The following M1AP variants were observed in gnomAD, a reference collection of about 807,000 sequenced individuals.
M1AP encodes meiosis 1 arrest protein.
M1AP carries 39 observed loss-of-function variants against 51.2 expected under a neutral mutation model. The ratio of observed to expected loss-of-function variants is 0.76; its 90% confidence interval spans 0.59 to 1.00. The LOEUF is 1.00. M1AP is among the 50% of genes least tolerant of loss of function. The pLI, the probability that M1AP is intolerant of heterozygous loss-of-function variation, is 0.00. For missense variants in M1AP, 545 were observed against 641.2 expected (o/e 0.85, Z 1.62); for synonymous variants, 251 against 249.2 (o/e 1.01, Z -0.07).
intron 2 of M1AP, among the ~76,000 whole-genome samples, chr2:74,625,265 G>T (rs187236747): frequency 1.3e-5 from 2 of 152,126 alleles, no homozygotes; most frequent in African/African-American, 4.8e-5. Context: ...CTGAGTTATT[G>T]AATGTTTTTT....
chr2:74,643,383 T>C (rs954435864), intron 1 of M1AP, among the ~76,000 whole-genome samples: 1 of 151,626 alleles, frequency 6.6e-6, no homozygotes, highest in Non-Finnish European at 1.5e-5. Flanking sequence ...AAAGAATACA[T>C]ACACATGTAG....
intron 1 of M1AP, chr2:74,647,316 G>GC: frequency 1.0e-6 from 1 of 985,322 alleles, no homozygotes; most frequent in Non-Finnish European, 1.2e-6. Context: ...CTCTGCGGAT[G>GC]TTCTGTTCCG....
chr2:74,576,752 T>C, intron 5 of M1AP, 134 bp from the exon 6 acceptor site: 1 of 1,244,576 alleles, frequency 8.0e-7, no homozygotes, highest in Non-Finnish European at 1.1e-6. Flanking sequence ...AAGCAAGGGA[T>C]AGGAGGAGGC....
Position 74,640,116 on chromosome 2 carries a change from T to G in M1AP, c.160A>C (p.Ser54Arg), listed in dbSNP as rs773285202. The change falls in exon 2 of 11, where the codon AGC becomes CGC. Residue 54 changes from serine to arginine, a missense_variant. Physicochemically the swap from Ser to Arg is moderately radical, Grantham distance 110. Transcript: ENST00000421985. ...GACATGCGGCTGGGGCCCATCAAGC[T>G]GCAGGCTAGAGAGAAGAAGTTCTGC... ...ALQNFFSLAC[S>R]LMGPSRMSLF... 2 of 1,614,084 alleles carry G rather than the reference T, an allele frequency of 1.2e-6. No individual in the cohort carries two copies. The highest frequency in any genetic ancestry group is 2.7e-5 in the African/African-American group (2 of 74,926).
chr2:74,576,592 G>A lies in M1AP; in HGVS notation c.796C>T (p.Arg266Ter), dbSNP rs150497323. The change falls in exon 6 of 11, where the codon CGA becomes TGA. Residue 266 changes from arginine (R) to a stop codon, truncating the protein, a stop_gained. Coordinates refer to ENST00000421985, the MANE Select transcript of M1AP (RefSeq NM_001321739.2). LOFTEE classifies it high-confidence loss of function. ...GCGAGTAGGGATGGGCAGAGCAGTC[G>A]CTCTTGGAGATCACATTTCAGACAC... The part of the protein sequence containing the change: ...PMCLKCDLQE[R>*]LLCPSLLAGT... 46 of 1,614,096 alleles carry A rather than the reference G, an allele frequency of 2.8e-5. No homozygotes were observed. The highest frequency in any genetic ancestry group is 3.6e-5 in the Non-Finnish European group (43 of 1,179,968).
At position 74,575,585 on chromosome 2, in the gene M1AP, A is replaced by G. The variant is rs762842420; in HGVS notation, c.933-6T>C. 3.4e-5 allele frequency: 55 copies of G among 1,611,890 alleles called. No homozygotes were observed. The highest frequency in any genetic ancestry group is 4.2e-5 in the Non-Finnish European group (50 of 1,178,422). On this transcript the variant is annotated splice_region_variant and splice_polypyrimidine_tract_variant and intron_variant, in intron 6 of 10. Transcript: ENST00000421985. ...GCCCGCTAGATTTTAAAGCCCTAGGAAGAGATAATTACAGTCAAAGACTCC... is the reference window on the plus strand; with the variant it reads ...GCCCGCTAGATTTTAAAGCCCTAGGGAGAGATAATTACAGTCAAAGACTCC...
intron 3 of M1AP, among the ~76,000 whole-genome samples, chr2:74,613,430 G>C (rs1681485587): frequency 6.6e-6 from 1 of 152,170 alleles, no homozygotes; most frequent in South Asian, 2.1e-4. Context: ...GTATGATTAG[G>C]TCTCAGTCTT....
rs759181526 is a variant in M1AP at position 74,558,754 on chromosome 2, G to C, written c.1555C>G (p.Leu519Val). 7 of 1,612,884 alleles carry C rather than the reference G, an allele frequency of 4.3e-6. No homozygotes were observed. The highest frequency in any genetic ancestry group is 1.7e-5 in the Admixed American group (1 of 59,740). ...GGATCCTTCTCCCACTCTGAAGGCA[G>C]GAAGAAGGCATCTGAGGAAGATTTG... ...ASKSSSDAFF[L>V]PSEWEKDPSR... The change falls in exon 11 of 11, where the codon CTG becomes GTG. Residue 519 changes from leucine to valine, a missense_variant. Physicochemically the swap from Leu to Val is conservative, Grantham distance 32. Transcript: ENST00000421985.
chr2:74,589,461 CCTTTTTCTTTCT>C (rs1487192131), intron 4 of M1AP, among the ~76,000 whole-genome samples: 1 of 152,158 alleles, frequency 6.6e-6, no homozygotes, highest in African/African-American at 2.4e-5. Flanking sequence ...AAAGCAAGTT[CCTTTTTCTTTCT>C]CTTTTTCTTT....
chr2:74,580,322 TAGGGAAAACAGATA>T lies in M1AP; in HGVS notation c.769+1338_769+1351del, dbSNP rs1162041871. Among the ~76,000 whole-genome samples the T allele has an allele frequency of 3.9e-5, 6 of 152,150 alleles. No individual in the cohort carries two copies. In the East Asian group the frequency reaches 1.2e-3, roughly 29 times the overall value. On this transcript the variant is annotated intron_variant, in intron 5 of 10. Transcript: ENST00000421985. Reference sequence around the variant, plus strand: ...ATATAAAGTTGCTAGCTGCCTTAAGTAGGGAAAACAGATAAGTGAAGTCCAGAGGATAGGACAGG... The same window carrying T: ...ATATAAAGTTGCTAGCTGCCTTAAGTAGTGAAGTCCAGAGGATAGGACAGG...
chr2:74,574,216 T>A (rs1678920426), intron 7 of M1AP, among the ~76,000 whole-genome samples: 1 of 152,250 alleles, frequency 6.6e-6, no homozygotes. Flanking sequence ...CTATTTGCAG[T>A]TGTTTTAATT....
At chr2:74,601,302 A>C (rs772382804) in intron 4 of M1AP, among the ~76,000 whole-genome samples, 1 of 152,142 alleles carries the variant, frequency 6.6e-6, no homozygotes, top group Non-Finnish European at 1.5e-5. Flanking sequence ...CAATACGGAA[A>C]AAATCCTAGA....
Position 74,581,746 on chromosome 2 carries a change from C to G in M1AP, c.697G>C (p.Asp233His), listed in dbSNP as rs1679416484. 2.5e-6 allele frequency: 4 copies of G among 1,614,074 alleles called. No individual in the cohort carries two copies. Among genetic ancestry groups the G allele is most frequent in the Non-Finnish European group, 3.4e-6 (4 of 1,179,948 alleles). ...AGAAGAAGATGGATTTGTTCTTGGT[C>G]TGTTCCACTGTTATGTAGCCAGGCT... ...FKAWLHNSGT[D>H]QEQIHLLLSS... is the part of the protein sequence containing the mutation. Residue 233 changes from aspartate (D) to histidine (H), a missense_variant, in exon 5 of 11, where the codon GAC becomes CAC. Coordinates refer to ENST00000421985, the MANE Select transcript of M1AP (RefSeq NM_001321739.2).
At chr2:74,638,608 C>T (rs1454813026) in intron 2 of M1AP, among the ~76,000 whole-genome samples, 2 of 152,126 alleles carry the variant, frequency 1.3e-5, no homozygotes, top group Non-Finnish European at 2.9e-5. Flanking sequence ...GGGAGAAGCC[C>T]GCTGCCACAA....
At chr2:74,581,020 C>T (rs1230148709) in intron 5 of M1AP, among the ~76,000 whole-genome samples, 1 of 152,128 alleles carries the variant, frequency 6.6e-6, no homozygotes, top group East Asian at 1.9e-4. Context: ...ATGGAAATGG[C>T]CTTATTCCTG....
intron 4 of M1AP, among the ~76,000 whole-genome samples, chr2:74,606,276 G>A (rs987556455): frequency 9.2e-5 from 14 of 152,198 alleles, no homozygotes; most frequent in African/African-American, 3.4e-4. Context: ...TAAATCTCAA[G>A]GATGGGGGCC....
At chr2:74,604,647 G>A (rs2104692635) in intron 4 of M1AP, among the ~76,000 whole-genome samples, 1 of 152,274 alleles carries the variant, frequency 6.6e-6, no homozygotes, top group Middle Eastern at 3.4e-3. Flanking sequence ...GATGGTACCA[G>A]TCCATGGCCC....
At chr2:74,597,834 T>C (rs1158657792) in intron 4 of M1AP, among the ~76,000 whole-genome samples, 1 of 152,240 alleles carries the variant, frequency 6.6e-6, no homozygotes, top group Non-Finnish European at 1.5e-5. Context: ...AGTGGCTATT[T>C]TAGTTTTGAC....
chr2:74,607,614 C>T (rs1252584537), intron 3 of M1AP, among the ~76,000 whole-genome samples: 1 of 152,194 alleles, frequency 6.6e-6, no homozygotes, highest in Non-Finnish European at 1.5e-5. Context: ...GCTGGGATTA[C>T]AGGCACGTGC....
Sources: allele counts gnomAD v4.1 joint callset (sites outside exome capture counted in the v4.1 genomes callset), GRCh38; gene constraint gnomAD v4.1.1; transcripts MANE v1.5; gene names NCBI Gene and HGNC (gene_info 2026-07-23, HGNC 2026-07-21).